Variants in GRM7 observed in about 807,000 individuals in gnomAD.
GRM7 encodes metabotropic glutamate receptor 7.
Under a neutral mutation model 84.5 loss-of-function variants are expected in GRM7, and 35 were observed. The observed-to-expected ratio is 0.41, with a 90% CI of 0.32 to 0.55. The LOEUF is 0.55. Ranked by LOEUF, GRM7 falls within the 20% of genes least tolerant of loss-of-function variation. The pLI is 0.19. For missense variants in GRM7, 1,003 were observed against 1,194.6 expected (o/e 0.84, Z 2.36); for synonymous variants, 487 against 455.1 (o/e 1.07, Z -0.89).
chr3:7,382,420 G>A (rs1454941827), intron 4 of GRM7, among the ~76,000 whole-genome samples: 2 of 152,108 alleles, frequency 1.3e-5, no homozygotes, highest in Admixed American at 6.5e-5. Context: ...GGCTGCGATG[G>A]TGTGTATCTT....
intron 4 of GRM7, among the ~76,000 whole-genome samples, chr3:7,317,395 A>G (rs1313367723): frequency 6.6e-6 from 1 of 152,154 alleles, no homozygotes; most frequent in Non-Finnish European, 1.5e-5. Flanking sequence ...AAATAATAAT[A>G]CTGTCCTCTA....
intron 9 of GRM7, among the ~76,000 whole-genome samples, chr3:7,724,561 G>C (rs769240609): frequency 5.3e-5 from 8 of 152,168 alleles, no homozygotes; most frequent in Non-Finnish European, 1.2e-4. Flanking sequence ...CATGGAAGCA[G>C]ATAAGGACAA....
At chr3:7,567,546 G>A (rs551247363) in intron 7 of GRM7, among the ~76,000 whole-genome samples, 1 of 151,954 alleles carries the variant, frequency 6.6e-6, no homozygotes, top group African/African-American at 2.4e-5. Flanking sequence ...CCAGGAGTTT[G>A]AGACCAGCCT....
At chr3:7,508,686 G>C (rs867170234) in intron 7 of GRM7, among the ~76,000 whole-genome samples, 2 of 152,060 alleles carry the variant, frequency 1.3e-5, no homozygotes, top group African/African-American at 2.4e-5. Context: ...TTGGAAAAAC[G>C]GTTCTTACGG....
At chr3:6,889,159 C>T (rs1574973390) in intron 1 of GRM7, among the ~76,000 whole-genome samples, 2 of 152,142 alleles carry the variant, frequency 1.3e-5, no homozygotes, top group East Asian at 1.9e-4. Context: ...TCTAGATATA[C>T]AATCATGTCA....
intron 2 of GRM7, among the ~76,000 whole-genome samples, chr3:7,242,625 A>G (rs758511636): frequency 3.3e-5 from 5 of 152,192 alleles, no homozygotes; most frequent in South Asian, 2.1e-4. Flanking sequence ...CTCAATCTCT[A>G]TATCAATTGT....
intron 1 of GRM7, among the ~76,000 whole-genome samples, chr3:6,970,404 T>A (rs1002058994): frequency 3.7e-4 from 57 of 152,260 alleles, no homozygotes; most frequent in African/African-American, 1.2e-3. Context: ...TGGACCGTAC[T>A]TACAACATTT....
chr3:7,158,589 T>C (rs1268706046), intron 2 of GRM7, among the ~76,000 whole-genome samples: 4 of 152,160 alleles, frequency 2.6e-5, no homozygotes, highest in Non-Finnish European at 5.9e-5. Flanking sequence ...TATGCACTCC[T>C]TCAGAGTAGC....
At chr3:7,365,851 C>G (rs1281571883) in intron 4 of GRM7, among the ~76,000 whole-genome samples, 2 of 151,030 alleles carry the variant, frequency 1.3e-5, no homozygotes, top group Non-Finnish European at 3.0e-5. Flanking sequence ...AGCTCTTTCT[C>G]TAAAGGATCT....
At chr3:7,387,997 T>C (rs750082816) in intron 4 of GRM7, among the ~76,000 whole-genome samples, 19 of 152,170 alleles carry the variant, frequency 1.2e-4, no homozygotes, top group Admixed American at 1.2e-3. Flanking sequence ...CTCATATAGA[T>C]CTTTTATCTC....
chr3:7,455,626 A>C (rs1165689807), intron 6 of GRM7, among the ~76,000 whole-genome samples: 1 of 152,214 alleles, frequency 6.6e-6, no homozygotes, highest in Non-Finnish European at 1.5e-5. Flanking sequence ...CTATAAAATC[A>C]CTGGCAAGTA....
chr3:7,500,896 G>A (rs1046911325), intron 7 of GRM7, among the ~76,000 whole-genome samples: 7 of 152,176 alleles, frequency 4.6e-5, no homozygotes, highest in Non-Finnish European at 8.8e-5. Flanking sequence ...GCCTACTTCC[G>A]AATCCAGATA....
At chr3:7,004,916 A>T (rs1040191665) in intron 1 of GRM7, among the ~76,000 whole-genome samples, 2 of 152,204 alleles carry the variant, frequency 1.3e-5, no homozygotes, top group African/African-American at 4.8e-5. Flanking sequence ...AAATCAATAT[A>T]TGAGACTTAG....
intron 7 of GRM7, among the ~76,000 whole-genome samples, chr3:7,491,997 T>TA (rs1420236384): frequency 6.6e-6 from 1 of 151,768 alleles, no homozygotes; most frequent in Non-Finnish European, 1.5e-5. Flanking sequence ...GGCTTATTGA[T>TA]ATGGTAGACT....
chr3:7,554,977 G>C (rs1693688204), intron 7 of GRM7, among the ~76,000 whole-genome samples: 1 of 152,182 alleles, frequency 6.6e-6, no homozygotes, highest in Non-Finnish European at 1.5e-5. Context: ...TGGTCAGAAA[G>C]GGCATCTCCC....
chr3:7,064,451 TGG>T (rs1697553376), intron 1 of GRM7, among the ~76,000 whole-genome samples: 1 of 128,072 alleles, frequency 7.8e-6, no homozygotes, highest in African/African-American at 3.1e-5. Flanking sequence ...CCCTCATGTA[TGG>T]ATATATATAC....
At chr3:7,209,322 C>T (rs1219965148) in intron 2 of GRM7, among the ~76,000 whole-genome samples, 2 of 152,014 alleles carry the variant, frequency 1.3e-5, no homozygotes, top group East Asian at 3.9e-4. Flanking sequence ...TGCTGTATTT[C>T]CAAGAAAGAC....
At chr3:7,498,979 C>G (rs1450249478) in intron 7 of GRM7, among the ~76,000 whole-genome samples, 1 of 152,084 alleles carries the variant, frequency 6.6e-6, no homozygotes, top group Non-Finnish European at 1.5e-5. Context: ...TGACTGGGAA[C>G]ACTAAAAATT....
At chr3:7,728,268 AAG>A (rs1397420355) in intron 9 of GRM7, among the ~76,000 whole-genome samples, 1 of 152,212 alleles carries the variant, frequency 6.6e-6, no homozygotes, top group Non-Finnish European at 1.5e-5. Flanking sequence ...ACTGGAAAAG[AAG>A]AGAGTTTATG....
Sources: allele counts gnomAD v4.1 joint callset (sites outside exome capture counted in the v4.1 genomes callset), GRCh38; gene constraint gnomAD v4.1.1; transcripts MANE v1.5; gene names NCBI Gene and HGNC (gene_info 2026-07-23, HGNC 2026-07-21).